Variants in ZHX2 observed in about 807,000 individuals in gnomAD.
ZHX2 encodes the protein zinc fingers and homeoboxes 2, also known as zinc fingers and homeoboxes protein 2.
In ZHX2, 6 loss-of-function variants were observed where a neutral mutation model predicts 21.9. The ratio of observed to expected loss-of-function variants is 0.27; its 90% CI spans 0.15 to 0.54. The LOEUF (loss-of-function observed/expected upper bound fraction) is 0.54. Among genes scored for constraint, ZHX2 ranks in the 20% least tolerant of loss-of-function variants. The pLI is 0.95. For missense variants in ZHX2, 908 were observed against 1,090.7 expected, an observed-to-expected ratio of 0.83 and a Z score of 2.36; for synonymous variants, 434 against 437.1, an observed-to-expected ratio of 0.99 and a Z score of 0.09.
chr8:122,916,466 GC>G (rs1820605600), intron 2 of ZHX2, among the ~76,000 whole-genome samples: 1 of 152,204 alleles, frequency 6.6e-6, no homozygotes, highest in Non-Finnish European at 1.5e-5. Context: ...GTGGAGAGGG[GC>G]TTCGGTGCCT....
rs778504466 is a variant in ZHX2 at position 122,953,347 on chromosome 8, C to T, written c.1837C>T (p.Arg613Ter). ...GGGAGCCCCCAATGGTGCTCTGTCT[C>T]GACTCGACCAGCTCTCCGGTGCCCA... The part of the protein sequence containing the change: ...DVGAPNGALS[R>*]LDQLSGAQLT... The change falls in exon 3 of 4, where the codon CGA (arginine) becomes TGA (stop). Residue 613 changes from arginine to a stop codon, truncating the protein, a stop_gained. Coordinates refer to ENST00000314393, the MANE Select transcript of ZHX2 (RefSeq NM_014943.5). LOFTEE classifies it low-confidence loss of function (END_TRUNC). This position sits in a 1 kb window ranked among gnomAD's most constrained non-coding sequence, Gnocchi z 4.6. 9.9e-6 allele frequency: 16 copies of T among 1,614,062 alleles called. No individual in the cohort carries two copies. The highest frequency in any genetic ancestry group is 4.2e-6 in the Non-Finnish European group (5 of 1,180,026).
chr8:122,801,977 C>T (rs747662979), intron 1 of ZHX2, among the ~76,000 whole-genome samples: 3 of 152,142 alleles, frequency 2.0e-5, no homozygotes, highest in Non-Finnish European at 2.9e-5. Context: ...CAGCCACCCA[C>T]GGCTGCTGAC....
intron 3 of ZHX2, among the ~76,000 whole-genome samples, chr8:122,968,947 C>T (rs1006212313): frequency 6.6e-6 from 1 of 151,672 alleles, no homozygotes; most frequent in Non-Finnish European, 1.5e-5. Flanking sequence ...TCACTTGAGG[C>T]CAAGAGTTCG....
At chr8:122,865,898 C>T (rs931255820) in intron 2 of ZHX2, among the ~76,000 whole-genome samples, 12 of 152,196 alleles carry the variant, frequency 7.9e-5, no homozygotes, top group Admixed American at 3.9e-4. Flanking sequence ...CAATCCCCAC[C>T]GGTTAGCACA....
At chr8:122,955,839 ATTT>A (rs540333833) in intron 3 of ZHX2, among the ~76,000 whole-genome samples, 9 of 104,886 alleles carry the variant, frequency 8.6e-5, no homozygotes, top group South Asian at 3.1e-4. Context: ...TGAGGGAGTG[ATTT>A]TTTTTTTTTT....
intron 2 of ZHX2, among the ~76,000 whole-genome samples, chr8:122,912,755 C>A (rs1483044872): frequency 6.6e-6 from 1 of 152,108 alleles, no homozygotes; most frequent in Non-Finnish European, 1.5e-5. Context: ...TAAGCACCTA[C>A]TATGTCCCAG....
At chr8:122,966,900 T>A (rs1813598733) in intron 3 of ZHX2, among the ~76,000 whole-genome samples, 1 of 152,252 alleles carries the variant, frequency 6.6e-6, no homozygotes, top group Admixed American at 6.5e-5. Flanking sequence ...AAGCCTTGTC[T>A]TCAAGCTCTA....
chr8:122,828,092 C>T lies in ZHX2; in HGVS notation c.-282-35385C>T, dbSNP rs571403358. Among the ~76,000 whole-genome samples, 4 of 152,056 alleles carry T rather than the reference C, an allele frequency of 2.6e-5. No individual in the cohort carries two copies. Among genetic ancestry groups the T allele is most frequent in the Non-Finnish European group, 4.4e-5 (3 of 68,012 alleles). ...TCTCTCCACTGCACTCCAGCCTGGG[C>T]GACAGTGAGACCCTGTCTCTAAATA... On this transcript the variant is annotated intron_variant, in intron 1 of 3. Coordinates refer to ENST00000314393, the MANE Select transcript of ZHX2 (RefSeq NM_014943.5). This position sits in a 1 kb window ranked among gnomAD's most constrained non-coding sequence, Gnocchi z 5.2.
chr8:122,924,650 A>G, intron 2 of ZHX2, among the ~76,000 whole-genome samples: 1 of 152,190 alleles, frequency 6.6e-6, no homozygotes, highest in Non-Finnish European at 1.5e-5. Context: ...CTAGAATAGA[A>G]GATCCAGAGG....
rs1356995642 is a variant in ZHX2, at chr8:122,875,171, A to T, written c.-220+11632A>T. Reference sequence around the variant, plus strand: ...TATATATATATATATATATATATATATATATATATATATATATATATATCC... The same window carrying T: ...TATATATATATATATATATATATATTTATATATATATATATATATATATCC... On this transcript the variant is annotated intron_variant, in intron 2 of 3. Transcript: ENST00000314393. Among the ~76,000 whole-genome samples, 24 of 23,706 alleles carry T rather than the reference A, an allele frequency of 1.0e-3. 1 individual carries two copies. The highest frequency in any genetic ancestry group is 2.7e-3 in the African/African-American group (18 of 6,600). The allele number at this position is 23,706 out of a possible 152,430, so 15.6% of individuals were successfully genotyped here.
At chr8:122,962,368 A>G (rs1229432931) in intron 3 of ZHX2, among the ~76,000 whole-genome samples, 1 of 152,164 alleles carries the variant, frequency 6.6e-6, no homozygotes, top group African/African-American at 2.4e-5. Flanking sequence ...GAGTGAGAAC[A>G]TATGATGTTT....
chr8:122,837,010 A>C (rs1238649691), intron 1 of ZHX2, among the ~76,000 whole-genome samples: 4 of 152,098 alleles, frequency 2.6e-5, no homozygotes, highest in African/African-American at 9.7e-5. Flanking sequence ...GAAAATCAAG[A>C]TTTTGACCAG....
In ZHX2 at chr8:122,953,300, C is replaced by T. The variant is rs1813185674; in HGVS notation, c.1790C>T (p.Ser597Phe). 6.2e-7 allele frequency: 1 copy of T among 1,613,932 alleles called. No individual in the cohort carries two copies. Among genetic ancestry groups the T allele is most frequent in the African/African-American group, 1.3e-5 (1 of 74,900 alleles). ...CAAGCTGTCTTGGATTCCATGGGGT[C>T]TGGCAAAAAAGGCCAAGATGTGGGA... Reference protein sequence around the residue: ...MEQAVLDSMGSGKKGQDVGAP... With the variant: ...MEQAVLDSMGFGKKGQDVGAP... Residue 597 changes from serine (S) to phenylalanine (F), a missense_variant, in exon 3 of 4, where the codon TCT (serine) becomes TTT (phenylalanine). Coordinates refer to ENST00000314393, the MANE Select transcript of ZHX2 (RefSeq NM_014943.5). The surrounding 1 kb of genome is among the most constrained non-coding windows in gnomAD (Gnocchi z 4.6).
chr8:122,897,389 T>C (rs2129911368), intron 2 of ZHX2, among the ~76,000 whole-genome samples: 1 of 152,356 alleles, frequency 6.6e-6, no homozygotes, highest in East Asian at 1.9e-4. Flanking sequence ...TTCTTAAGTT[T>C]CATTCAAAAC....
chr8:122,867,966 A>C (rs1344625874), intron 2 of ZHX2, among the ~76,000 whole-genome samples: 1 of 152,142 alleles, frequency 6.6e-6, no homozygotes. Context: ...ATGATCCTTC[A>C]GTGGGAAATG....
chr8:122,823,309 T>C (rs1359216360), intron 1 of ZHX2, among the ~76,000 whole-genome samples: 2 of 152,226 alleles, frequency 1.3e-5, no homozygotes, highest in Non-Finnish European at 2.9e-5. Context: ...CAGCTCTCTC[T>C]GACATGTGAA....
intron 1 of ZHX2, among the ~76,000 whole-genome samples, chr8:122,795,560 T>TA (rs1817599492): frequency 6.7e-6 from 1 of 150,350 alleles, no homozygotes; most frequent in Admixed American, 6.6e-5. Flanking sequence ...TTTTTTTTTT[T>TA]AATAGAGTCT....
intron 3 of ZHX2, among the ~76,000 whole-genome samples, chr8:122,959,623 C>T (rs1032193968): frequency 1.3e-5 from 2 of 152,108 alleles, no homozygotes; most frequent in Non-Finnish European, 2.9e-5. Flanking sequence ...TTTTGCTTGT[C>T]CTCATTTTTT....
chr8:122,781,105 A>G (rs1354744470), upstream of ZHX2: 1 of 152,140 alleles, frequency 6.6e-6, no homozygotes, highest in Non-Finnish European at 1.5e-5. This position sits in a 1 kb window ranked among gnomAD's most constrained non-coding sequence, Gnocchi z 4.6. Flanking sequence ...TATTTTCCTG[A>G]GCCTGAAGCC....
Sources: gnomAD v4.1 joint callset for allele counts (sites outside exome capture counted in the v4.1 genomes callset) on GRCh38, gnomAD v4.1.1 for gene constraint, Gnocchi (gnomAD v3.1) non-coding constraint, MANE v1.5 for transcripts, NCBI Gene and HGNC (gene_info 2026-07-23, HGNC 2026-07-21) for gene names.